Variants in MARVELD2 observed in about 807,000 individuals in gnomAD.
The protein encoded by MARVELD2 is MARVEL domain containing 2.
MARVELD2 carries 49 observed loss-of-function variants against 57.6 expected under a neutral mutation model. The ratio of observed to expected loss-of-function variants is 0.85; its 90% CI spans 0.68 to 1.08. The LOEUF (loss-of-function observed/expected upper bound fraction) is 1.08, where lower values mean the gene tolerates loss of function less well. MARVELD2 is among the 50% of genes least tolerant of loss of function. The pLI is 0.00. For missense variants in MARVELD2, 606 were observed against 701.1 expected, an observed-to-expected ratio of 0.86 and a Z score of 1.53; for synonymous variants, 238 against 258.8, an observed-to-expected ratio of 0.92 and a Z score of 0.77.
At chr5:69,440,770 C>T (rs1172902225) in intron 6 of MARVELD2, among the ~76,000 whole-genome samples, 1 of 152,220 alleles carries the variant, frequency 6.6e-6, no homozygotes, top group African/African-American at 2.4e-5. Context: ...TACATCTTTC[C>T]AACTCTAACT....
intron 3 of MARVELD2, 80 bp from the exon 4 acceptor site, chr5:69,432,447 C>A: frequency 6.7e-7 from 1 of 1,496,856 alleles, no homozygotes. Flanking sequence ...GATCTTCTTC[C>A]TCATTTTCTA....
chr5:69,420,649 TCTTC>T, intron 2 of MARVELD2, 118 bp downstream of exon 2: 1 of 1,035,266 alleles, frequency 9.7e-7, no homozygotes, highest in South Asian at 1.5e-5. Context: ...ATCTTTTCTT[TCTTC>T]CTTTTTTTTT....
intron 5 of MARVELD2, among the ~76,000 whole-genome samples, chr5:69,435,860 G>A (rs1300246517): frequency 6.6e-6 from 1 of 150,920 alleles, no homozygotes; most frequent in Non-Finnish European, 1.5e-5. Flanking sequence ...CTTTCTGTCC[G>A]AATGGATTTG....
intron 1 of MARVELD2, chr5:69,418,920 ATTTCTTTTTTTT>A (rs1266697963): frequency 6.5e-6 from 1 of 154,578 alleles, no homozygotes; most frequent in African/African-American, 2.5e-5. Context: ...ATCATTTTTC[ATTTCTTTTTTTT>A]TTTCTTTTTT....
rs756327348 is a variant in MARVELD2 at position 69,441,548 on chromosome 5, A to G, written c.1571A>G (p.Glu524Gly). The change falls in exon 7 of 7, where the codon GAA becomes GGA. Residue 524 changes from glutamate (E) to glycine (G), a missense_variant. Transcript: ENST00000325631. ...CTTTTACAGGATCCTACATTTCTGG[A>G]AAAAAAAGAACGCTGTGATTACCTA... The part of the protein sequence containing the change: ...KKKKNDPTFL[E>G]KKERCDYLKN... The G allele has an allele frequency of 3.1e-6, 5 of 1,603,920 alleles. No individual in the cohort carries two copies. Among genetic ancestry groups the G allele is most frequent in the Admixed American group, 1.7e-5 (1 of 59,570 alleles).
Position 69,419,575 on chromosome 5 carries a change from A to G in MARVELD2, c.190A>G (p.Ser64Gly). ...QPPFGPDFYSSDTEEPAIAPD... is the reference protein window; with the variant it reads ...QPPFGPDFYSGDTEEPAIAPD... Reference sequence around the variant, plus strand: ...ACCATTCGGCCCAGACTTCTACTCAAGTGACACAGAAGAACCAGCTATAGC... The same window carrying G: ...ACCATTCGGCCCAGACTTCTACTCAGGTGACACAGAAGAACCAGCTATAGC... The change falls in exon 2 of 7, where the codon AGT becomes GGT. Residue 64 changes from serine to glycine, a missense_variant. Coordinates refer to ENST00000325631, the MANE Select transcript of MARVELD2 (RefSeq NM_001038603.3). 6.2e-7 allele frequency: 1 copy of G among 1,614,098 alleles called. No individual in the cohort carries two copies. The highest frequency in any genetic ancestry group is 1.1e-5 in the South Asian group (1 of 91,064).
At chr5:69,417,938 CAA>C (rs759672131) in intron 1 of MARVELD2, among the ~76,000 whole-genome samples, 47 of 93,034 alleles carry the variant, frequency 5.1e-4, no homozygotes, top group Admixed American at 4.8e-4. Context: ...GACTCTGTCT[CAA>C]AAAAAAAAAA....
intron 1 of MARVELD2, among the ~76,000 whole-genome samples, chr5:69,417,584 G>T (rs887975595): frequency 9.9e-5 from 15 of 152,042 alleles, no homozygotes; most frequent in Admixed American, 9.8e-4. Flanking sequence ...CAGGAGGATC[G>T]CTTGAGCCCA....
intron 1 of MARVELD2, among the ~76,000 whole-genome samples, chr5:69,418,249 ATTT>A (rs1766490614): frequency 6.6e-6 from 1 of 152,144 alleles, no homozygotes; most frequent in East Asian, 1.9e-4. Flanking sequence ...GAATGAAAAA[ATTT>A]TTTTAAGTCT....
At chr5:69,430,930 T>C (rs143594285) in intron 3 of MARVELD2, among the ~76,000 whole-genome samples, 10 of 151,824 alleles carry the variant, frequency 6.6e-5, no homozygotes, top group African/African-American at 2.2e-4. Flanking sequence ...TTTTTAATTT[T>C]TTTTTTTTAA....
intron 2 of MARVELD2, among the ~76,000 whole-genome samples, chr5:69,422,363 C>T (rs1254696165): frequency 6.6e-6 from 1 of 152,070 alleles, no homozygotes; most frequent in Non-Finnish European, 1.5e-5. Context: ...AAGGAGCATC[C>T]CTGAGAAAGA....
chr5:69,429,254 G>T (rs1239650198), intron 3 of MARVELD2, among the ~76,000 whole-genome samples: 2 of 152,058 alleles, frequency 1.3e-5, no homozygotes, highest in East Asian at 1.9e-4. Flanking sequence ...AATCTAAAGG[G>T]TGTGCTATTT....
chr5:69,422,719 C>T (rs1766667274), intron 2 of MARVELD2, among the ~76,000 whole-genome samples: 1 of 152,188 alleles, frequency 6.6e-6, no homozygotes, highest in Non-Finnish European at 1.5e-5. Context: ...TATTCATACA[C>T]TCCCTCCCCT....
chr5:69,424,156 A>T (rs1449884566), intron 2 of MARVELD2, among the ~76,000 whole-genome samples: 1 of 152,172 alleles, frequency 6.6e-6, no homozygotes, highest in African/African-American at 2.4e-5. Context: ...ATAATGCCTA[A>T]TTAGACTTCA....
At chr5:69,431,779 T>G (rs148713777) in intron 3 of MARVELD2, among the ~76,000 whole-genome samples, 2 of 151,982 alleles carry the variant, frequency 1.3e-5, no homozygotes, top group Non-Finnish European at 2.9e-5. Context: ...TGTTAACTCT[T>G]ATTTCCACTT....
Position 69,437,060 on chromosome 5 carries a change from G to T in MARVELD2, c.1504-3390G>T, listed in dbSNP as rs191805817. On this transcript the variant is annotated intron_variant, in intron 5 of 6. Coordinates refer to ENST00000325631, the MANE Select transcript of MARVELD2 (RefSeq NM_001038603.3). ...AAAAATTAGCCAGGCATGGTGGTGTGTGCCTGTAATTCCAGCTACTCAGGA... is the reference window on the plus strand; with the variant it reads ...AAAAATTAGCCAGGCATGGTGGTGTTTGCCTGTAATTCCAGCTACTCAGGA... Among the ~76,000 whole-genome samples the T allele has an allele frequency of 3.0e-3, 459 of 151,974 alleles. 2 individuals carry two copies. Among genetic ancestry groups the T allele is most frequent in the African/African-American group, 0.011 (439 of 41,464 alleles).
chr5:69,441,173 G>C (rs985953878), intron 6 of MARVELD2, among the ~76,000 whole-genome samples: 1 of 151,750 alleles, frequency 6.6e-6, no homozygotes, highest in African/African-American at 2.4e-5. Flanking sequence ...AAAGAGATGG[G>C]GTCTTGGCAT....
chr5:69,432,428 A>C lies in MARVELD2; in HGVS notation c.1183-99A>C, dbSNP rs934399791. On this transcript the variant is annotated intron_variant, in intron 3 of 6. Transcript: ENST00000325631. ...AGTGCTAGGATTACAGGTTTGAGCC[A>C]CCCCACCTGATCTTCTTCCTCATTT... 5.2e-6 allele frequency: 7 copies of C among 1,346,786 alleles called. No individual in the cohort carries two copies. In the African/African-American group the frequency reaches 1.0e-4, roughly 20 times the overall value. The allele number at this position is 1,346,786 out of a possible 1,614,324, so 83.4% of individuals were successfully genotyped here. A position where few individuals can be genotyped will look rare whatever the true frequency, so the allele number is the denominator to read the frequency against.
intron 5 of MARVELD2, chr5:69,433,459 TG>T (rs1767034854): frequency 6.1e-6 from 1 of 165,216 alleles, no homozygotes; most frequent in Admixed American, 1.0e-4. Context: ...GCATAAAATC[TG>T]GCTTTTTTTT....
Sources: allele counts gnomAD v4.1 joint callset (sites outside exome capture counted in the v4.1 genomes callset), GRCh38; gene constraint gnomAD v4.1.1; transcripts MANE v1.5; gene names NCBI Gene and HGNC (gene_info 2026-07-23, HGNC 2026-07-21).